HOOK3: variants seen among roughly 807,000 people sequenced by gnomAD.
HOOK3 encodes the protein protein Hook homolog 3.
HOOK3 carries 24 observed loss-of-function variants against 116.3 expected under a neutral mutation model. The observed-to-expected ratio is 0.21, with a 90% confidence interval of 0.15 to 0.29. The LOEUF (loss-of-function observed/expected upper bound fraction) is 0.29. Among genes scored for constraint, HOOK3 ranks in the 10% least tolerant of loss-of-function variants. The pLI is 1.00. For synonymous variants in HOOK3, 275 were observed against 283.0 expected, an observed-to-expected ratio of 0.97 and a Z score of 0.28; for missense variants, 632 against 830.2, an observed-to-expected ratio of 0.76 and a Z score of 2.93.
intron 6 of HOOK3, among the ~76,000 whole-genome samples, chr8:42,952,787 A>G (rs1011225927): frequency 6.6e-6 from 1 of 152,212 alleles, no homozygotes; most frequent in African/African-American, 2.4e-5. Context: ...TTTATATCAT[A>G]TAAGATTAGA....
chr8:43,014,340 A>G (rs565601018), intron 21 of HOOK3, among the ~76,000 whole-genome samples: 5 of 147,758 alleles, frequency 3.4e-5, no homozygotes, highest in Non-Finnish European at 7.5e-5. Context: ...ACCAGATTCC[A>G]TTTATTTATT....
chr8:42,964,415 A>T lies in HOOK3; in HGVS notation c.720A>T (p.Ala240=). The T allele has an allele frequency of 6.2e-7, 1 of 1,614,192 alleles. No homozygotes were observed. The highest frequency in any genetic ancestry group is 8.5e-7 in the Non-Finnish European group (1 of 1,180,014). Residue 240 remains alanine (A), a synonymous_variant, in exon 9 of 22, where the codon GCA becomes GCT. Coordinates refer to ENST00000307602, the MANE Select transcript of HOOK3 (RefSeq NM_032410.4). Reference sequence around the variant, plus strand: ...CTATAGAAGACCCTAACAGTCCAGCAGGAAGAAGGCATTTGCAGCTCCAGA... The same window carrying T: ...CTATAGAAGACCCTAACAGTCCAGCTGGAAGAAGGCATTTGCAGCTCCAGA... The part of the protein sequence containing the change: ...SDSIEDPNSP[A]GRRHLQLQTQ...
intron 8 of HOOK3, among the ~76,000 whole-genome samples, chr8:42,963,073 A>T (rs555983334): frequency 6.6e-6 from 1 of 152,210 alleles, no homozygotes; most frequent in African/African-American, 2.4e-5. Context: ...AAGTGCTGGG[A>T]TTACAGGTGT....
intron 13 of HOOK3, among the ~76,000 whole-genome samples, chr8:42,975,184 A>G (rs753934348): frequency 4.7e-4 from 71 of 152,146 alleles, no homozygotes; most frequent in Non-Finnish European, 7.4e-4. Context: ...CAATGAAAAC[A>G]CCACCAAGCC....
At chr8:43,016,409 C>T (rs959947357) in intron 21 of HOOK3, among the ~76,000 whole-genome samples, 3 of 152,114 alleles carry the variant, frequency 2.0e-5, no homozygotes, top group African/African-American at 7.2e-5. Flanking sequence ...CATGAGCCAC[C>T]GCGCCCGGCC....
intron 2 of HOOK3, among the ~76,000 whole-genome samples, chr8:42,908,689 C>T (rs570562517): frequency 1.3e-5 from 2 of 152,278 alleles, no homozygotes; most frequent in Admixed American, 1.3e-4. Context: ...TTTAAACATA[C>T]CTACTGAATT....
At chr8:42,949,327 G>A (rs1446964101) in intron 5 of HOOK3, 3 of 152,164 alleles carry the variant, frequency 2.0e-5, no homozygotes, top group African/African-American at 7.2e-5. Context: ...CAGTGGTGAG[G>A]ATGAGATTGA....
chr8:43,007,899 G>A lies in HOOK3; in HGVS notation c.1708G>A (p.Glu570Lys). 1 of 1,598,034 alleles carries A rather than the reference G, an allele frequency of 6.3e-7. No individual in the cohort carries two copies. The highest frequency in any genetic ancestry group is 8.5e-7 in the Non-Finnish European group (1 of 1,169,732). Reference sequence around the variant, plus strand: ...ACTACAGAAGAAGAGAGCCATTATTGAAGATCTCGAGCCAAGATTTAACAA... The same window carrying A: ...ACTACAGAAGAAGAGAGCCATTATTAAAGATCTCGAGCCAAGATTTAACAA... ...NELQKKRAII[E>K]DLEPRFNNSS... The change falls in exon 18 of 22, where the codon GAA (glutamate) becomes AAA (lysine). Residue 570 changes from glutamate (E) to lysine (K), a missense_variant. Glu to Lys is a moderately conservative substitution (Grantham distance 56). This residue lies in a region of HOOK3 where 483 missense variants were observed against 648.1 expected (regional missense o/e 0.75). Transcript: ENST00000307602.
At chr8:42,920,979 T>A (rs1262096718) in intron 2 of HOOK3, among the ~76,000 whole-genome samples, 1 of 152,178 alleles carries the variant, frequency 6.6e-6, no homozygotes, top group Non-Finnish European at 1.5e-5. Context: ...GACATGATCC[T>A]TAGGTTTTGA....
chr8:43,002,144 A>G lies in HOOK3; in HGVS notation c.1655+3A>G, dbSNP rs1286604675. The G allele has an allele frequency of 1.3e-6, 2 of 1,595,156 alleles. No homozygotes were observed. The highest frequency in any genetic ancestry group is 3.3e-5 in the Admixed American group (2 of 59,884). ...AAAAAGAAGCTTGAAGAACATCTGT[A>G]AGTATAAAAGCTGTTGAGGCTGATT... On this transcript the variant is annotated splice_donor_region_variant and intron_variant, in intron 17 of 21. Coordinates refer to ENST00000307602, the MANE Select transcript of HOOK3 (RefSeq NM_032410.4).
At chr8:42,962,886 C>T (rs190458993) in intron 8 of HOOK3, among the ~76,000 whole-genome samples, 86 of 144,024 alleles carry the variant, frequency 6.0e-4, no homozygotes, top group Non-Finnish European at 9.7e-4. Flanking sequence ...ACTGCAACTT[C>T]TGCCTCCCAG....
intron 17 of HOOK3, among the ~76,000 whole-genome samples, chr8:43,002,970 A>G (rs113617014): frequency 1.3e-5 from 2 of 152,190 alleles, no homozygotes; most frequent in Non-Finnish European, 2.9e-5. Flanking sequence ...AAATATTCAC[A>G]TATTTTTTTT....
At chr8:42,903,846 C>T (rs973361477) in intron 1 of HOOK3, among the ~76,000 whole-genome samples, 3 of 151,692 alleles carry the variant, frequency 2.0e-5, no homozygotes, top group Admixed American at 2.0e-4. Flanking sequence ...TTCCCAGCTA[C>T]TCGGGGGGCT....
chr8:42,929,106 T>G (rs1284654954), intron 3 of HOOK3, among the ~76,000 whole-genome samples: 2 of 152,176 alleles, frequency 1.3e-5, no homozygotes, highest in South Asian at 4.1e-4. Flanking sequence ...TTTAAAAAAC[T>G]ACCATTTTAA....
At chr8:42,983,390 A>G (rs535527321) in intron 14 of HOOK3, among the ~76,000 whole-genome samples, 1 of 152,154 alleles carries the variant, frequency 6.6e-6, no homozygotes, top group African/African-American at 2.4e-5. Flanking sequence ...TGGGAAAGAT[A>G]ATAATGCTAT....
intron 1 of HOOK3, among the ~76,000 whole-genome samples, chr8:42,903,601 C>T (rs1201993860): frequency 6.6e-6 from 1 of 151,252 alleles, no homozygotes; most frequent in Admixed American, 6.6e-5. Flanking sequence ...CTTCGGCCTC[C>T]CAAAGTGCTG....
chr8:43,012,717 A>C (rs1563314480), intron 19 of HOOK3, among the ~76,000 whole-genome samples: 1 of 152,106 alleles, frequency 6.6e-6, no homozygotes, highest in East Asian at 1.9e-4. Context: ...GTCCTGCCTC[A>C]GCCTCCAGAG....
At chr8:42,943,699 A>G (rs1808171652) in intron 5 of HOOK3, among the ~76,000 whole-genome samples, 1 of 152,208 alleles carries the variant, frequency 6.6e-6, no homozygotes. Flanking sequence ...AGATAACTAC[A>G]CTGAATGCAG....
chr8:42,903,695 C>T (rs1807242562), intron 1 of HOOK3, among the ~76,000 whole-genome samples: 1 of 149,534 alleles, frequency 6.7e-6, no homozygotes. Flanking sequence ...GTGGCTCAAA[C>T]GCCTGTAATC....
Sources: gnomAD v4.1 joint callset for allele counts (sites outside exome capture counted in the v4.1 genomes callset) on GRCh38, gnomAD v4.1.1 for gene constraint, gnomAD v4.1.1 regional missense constraint, MANE v1.5 for transcripts, NCBI Gene and HGNC (gene_info 2026-07-23, HGNC 2026-07-21) for gene names.